The following ADCY8 variants were observed in gnomAD, a reference collection of about 807,000 sequenced individuals.
The protein encoded by ADCY8 is adenylate cyclase type 8.
Under a neutral mutation model 119.7 loss-of-function variants are expected in ADCY8, and 51 were observed. That is an observed-to-expected ratio of 0.43 (90% confidence interval 0.34 to 0.54). The LOEUF (loss-of-function observed/expected upper bound fraction) is 0.54, where lower values mean the gene tolerates loss of function less well. Among genes scored for constraint, ADCY8 ranks in the 20% least tolerant of loss-of-function variants. ADCY8 has a pLI of 0.03. For missense variants in ADCY8, 1,383 were observed against 1,598.8 expected (o/e 0.87, Z 2.30); for synonymous variants, 665 against 651.0 (o/e 1.02, Z -0.33).
intron 5 of ADCY8, among the ~76,000 whole-genome samples, chr8:130,910,119 G>A (rs1002619780): frequency 1.3e-5 from 2 of 151,888 alleles, no homozygotes; most frequent in Non-Finnish European, 2.9e-5. Flanking sequence ...ACAGGTGTGA[G>A]CCACCACGCC....
At chr8:131,004,762 T>C (rs961038969) in intron 1 of ADCY8, among the ~76,000 whole-genome samples, 2 of 152,182 alleles carry the variant, frequency 1.3e-5, no homozygotes, top group Non-Finnish European at 2.9e-5. Context: ...ATGCAGTCCT[T>C]CTAGGGGAGA....
At chr8:130,822,195 A>G (rs1816531236) in intron 12 of ADCY8, among the ~76,000 whole-genome samples, 1 of 152,116 alleles carries the variant, frequency 6.6e-6, no homozygotes, top group Admixed American at 6.6e-5. Flanking sequence ...AATACACGGG[A>G]AAAAAAGCAA....
At chr8:130,851,287 G>A (rs548789446) in intron 9 of ADCY8, among the ~76,000 whole-genome samples, 3 of 152,206 alleles carry the variant, frequency 2.0e-5, no homozygotes, top group East Asian at 3.9e-4. Flanking sequence ...ATAATATTCC[G>A]GGATCTATAA....
chr8:130,990,625 T>C, intron 1 of ADCY8, 83 bp from the exon 2 acceptor site: 2 of 1,531,524 alleles, frequency 1.3e-6, no homozygotes, highest in Non-Finnish European at 1.8e-6. Flanking sequence ...AATATGAATT[T>C]CCAAGGTAAA....
At chr8:130,918,988 G>A (rs528779798) in intron 5 of ADCY8, among the ~76,000 whole-genome samples, 7 of 152,166 alleles carry the variant, frequency 4.6e-5, no homozygotes, top group African/African-American at 1.2e-4. Flanking sequence ...CCTTGAACCC[G>A]GGAGGTGAAG....
intron 14 of ADCY8, among the ~76,000 whole-genome samples, chr8:130,810,347 TACACAC>T (rs58781726): frequency 0.2 from 28,833 of 142,596 alleles, 2,768 homozygotes; most frequent in East Asian, 0.28. Context: ...TCTCTTTTTC[TACACAC>T]ACACACACAC....
At chr8:131,031,274 G>T (rs1317729891) in intron 1 of ADCY8, among the ~76,000 whole-genome samples, 1 of 152,144 alleles carries the variant, frequency 6.6e-6, no homozygotes, top group Non-Finnish European at 1.5e-5. Context: ...AGGTCTGTTT[G>T]TTATCAAACT....
chr8:130,877,354 A>G lies in ADCY8; in HGVS notation c.2109+7210T>C, dbSNP rs532171665. ...ATGTCTTCCTATATCATCTCAGTATAAGATGCCCAATGGAGTGGACACAAA... is the reference window on the plus strand; with the variant it reads ...ATGTCTTCCTATATCATCTCAGTATGAGATGCCCAATGGAGTGGACACAAA... On this transcript the variant is annotated intron_variant, in intron 8 of 17. Transcript: ENST00000286355. Among the ~76,000 whole-genome samples the G allele has an allele frequency of 2.1e-3, 323 of 152,304 alleles. 1 individual carries two copies. The highest frequency in any genetic ancestry group is 7.6e-3 in the African/African-American group (316 of 41,556).
chr8:130,869,540 C>CA (rs1818257469), intron 8 of ADCY8, among the ~76,000 whole-genome samples: 3 of 133,376 alleles, frequency 2.2e-5, no homozygotes, highest in Non-Finnish European at 1.5e-5. Context: ...TTTTTTGAGA[C>CA]AGAGTCTCGC....
At chr8:130,944,949 T>C (rs981758632) in intron 3 of ADCY8, among the ~76,000 whole-genome samples, 9 of 152,132 alleles carry the variant, frequency 5.9e-5, no homozygotes, top group African/African-American at 1.9e-4. Flanking sequence ...ATCACTGTGA[T>C]TGAAGGACAT....
chr8:130,826,179 A>C (rs1038353665), intron 12 of ADCY8, among the ~76,000 whole-genome samples: 2 of 152,164 alleles, frequency 1.3e-5, no homozygotes, highest in African/African-American at 4.8e-5. Flanking sequence ...AGAAGACTGA[A>C]TCTTCCTATG....
At chr8:130,905,315 C>G (rs1384023737) in intron 6 of ADCY8, among the ~76,000 whole-genome samples, 1 of 152,174 alleles carries the variant, frequency 6.6e-6, no homozygotes, top group East Asian at 1.9e-4. Flanking sequence ...GGCTCTGTCA[C>G]TTCAAAGCTC....
At chr8:130,979,917 C>A (rs1351734987) in intron 2 of ADCY8, among the ~76,000 whole-genome samples, 2 of 152,192 alleles carry the variant, frequency 1.3e-5, no homozygotes, top group Non-Finnish European at 2.9e-5. Flanking sequence ...GTATCCTAAG[C>A]TGGCATAAAA....
At chr8:130,999,165 A>G (rs1563761910) in intron 1 of ADCY8, among the ~76,000 whole-genome samples, 1 of 152,010 alleles carries the variant, frequency 6.6e-6, no homozygotes, top group Non-Finnish European at 1.5e-5. Flanking sequence ...TGCTTCATAC[A>G]CTTGGTGAAT....
intron 11 of ADCY8, among the ~76,000 whole-genome samples, chr8:130,846,874 T>C (rs1817336225): frequency 3.5e-5 from 1 of 28,362 alleles, no homozygotes. Flanking sequence ...TCCCTTCCCT[T>C]CCCTTCCCTT....
intron 3 of ADCY8, among the ~76,000 whole-genome samples, chr8:130,945,562 T>C (rs1821082529): frequency 2.6e-5 from 4 of 152,382 alleles, no homozygotes; most frequent in Admixed American, 2.6e-4. Context: ...TAGTGGGTAG[T>C]GTTTAGCACA....
intron 14 of ADCY8, among the ~76,000 whole-genome samples, chr8:130,811,817 G>A (rs556425611): frequency 6.6e-6 from 1 of 152,244 alleles, no homozygotes; most frequent in East Asian, 1.9e-4. Context: ...CTCCTAACAC[G>A]AAACCCAAAG....
At chr8:130,904,922 A>G (rs11782951) in intron 6 of ADCY8, among the ~76,000 whole-genome samples, 3,315 of 152,304 alleles carry the variant, frequency 0.022, 77 homozygotes, top group South Asian at 0.08. Flanking sequence ...TGGGTAGACT[A>G]GCAAGGTAAG....
At chr8:130,934,945 C>A (rs185707741) in intron 5 of ADCY8, among the ~76,000 whole-genome samples, 2 of 152,296 alleles carry the variant, frequency 1.3e-5, no homozygotes, top group African/African-American at 2.4e-5. Flanking sequence ...TTATGGGAGA[C>A]TTTCAGATAA....
Sources: allele counts gnomAD v4.1 joint callset (sites outside exome capture counted in the v4.1 genomes callset), GRCh38; gene constraint gnomAD v4.1.1; transcripts MANE v1.5; gene names NCBI Gene and HGNC (gene_info 2026-07-23, HGNC 2026-07-21).